Variants in ABCA13 observed in about 807,000 individuals in gnomAD.
ABCA13 encodes the protein ATP-binding cassette sub-family A member 13.
In ABCA13, 476 loss-of-function variants were observed where a neutral mutation model predicts 478.7. That is an observed-to-expected ratio of 0.99 (90% CI 0.92 to 1.07). The LOEUF (loss-of-function observed/expected upper bound fraction) is 1.07, where lower values mean the gene tolerates loss of function less well. ABCA13 is among the 50% of genes least tolerant of loss of function. The probability of loss-of-function intolerance (pLI) is 0.00; values close to 1 mark genes in which losing one functional copy is unlikely to be tolerated. For synonymous variants in ABCA13, 2,252 were observed against 2,158.9 expected (o/e 1.04, Z -1.20); for missense variants, 6,060 against 5,910.6 (o/e 1.03, Z -0.83).
Position 48,317,270 on chromosome 7 carries a change from C to G in ABCA13, c.9973C>G (p.Pro3325Ala). Residue 3325 changes from proline (P) to alanine (A), a missense_variant, in exon 27 of 62, where the codon CCA becomes GCA. By Grantham distance (27) the Pro-to-Ala change is conservative (BLOSUM62 -1). Transcript: ENST00000435803. ...HGKILYTPNT[P>A]EINKVIQKAN... ...AAAAATACTATACACACCAAACACT[C>G]CAGAAATTAACAAGGTCATTCAAAA... is the stretch of plus-strand genomic sequence containing the variant. 1 of 1,612,218 alleles carries G rather than the reference C, an allele frequency of 6.2e-7. No homozygotes were observed. Among genetic ancestry groups the G allele is most frequent in the Non-Finnish European group, 8.5e-7 (1 of 1,179,194 alleles).
chr7:48,497,973 T>C (rs1292061293), intron 48 of ABCA13, among the ~76,000 whole-genome samples: 1 of 152,192 alleles, frequency 6.6e-6, no homozygotes, highest in Non-Finnish European at 1.5e-5. Flanking sequence ...GGGTTCAGTC[T>C]CATTGCTGTC....
intron 59 of ABCA13, among the ~76,000 whole-genome samples, chr7:48,627,948 TG>T (rs1339916167): frequency 6.6e-6 from 1 of 152,182 alleles, no homozygotes; most frequent in Non-Finnish European, 1.5e-5. Flanking sequence ...AATCCATTCA[TG>T]GGGGAAGAGT....
intron 61 of ABCA13, 102 bp downstream of exon 61, chr7:48,644,856 T>C: frequency 1.7e-6 from 2 of 1,205,320 alleles, no homozygotes; most frequent in Non-Finnish European, 2.3e-6. Flanking sequence ...TTCACCACTT[T>C]ATTCAATTCA....
At chr7:48,341,847 TA>T (rs1807230284) in intron 29 of ABCA13, among the ~76,000 whole-genome samples, 1 of 143,216 alleles carries the variant, frequency 7.0e-6, no homozygotes. Flanking sequence ...TATATATATA[TA>T]TCTTTCTGAT....
chr7:48,171,890 A>G (rs1794119656), intron 1 of ABCA13, among the ~76,000 whole-genome samples: 1 of 152,262 alleles, frequency 6.6e-6, no homozygotes, highest in African/African-American at 2.4e-5. Context: ...TCTCAGGTTT[A>G]AGGAACAAAG....
intron 2 of ABCA13, among the ~76,000 whole-genome samples, chr7:48,193,381 T>A (rs1271219302): frequency 2.0e-5 from 3 of 152,178 alleles, no homozygotes; most frequent in Non-Finnish European, 4.4e-5. Context: ...TCATAGTTTA[T>A]CAGAATGATA....
chr7:48,263,094 T>A (rs1236426249), intron 15 of ABCA13, among the ~76,000 whole-genome samples: 2 of 151,926 alleles, frequency 1.3e-5, no homozygotes, highest in Non-Finnish European at 2.9e-5. Context: ...CAAAGTGTGA[T>A]CCCTGGACCA....
chr7:48,596,843 C>T (rs1790339298), intron 58 of ABCA13, among the ~76,000 whole-genome samples: 1 of 151,990 alleles, frequency 6.6e-6, no homozygotes, highest in South Asian at 2.1e-4. Flanking sequence ...AAACCTCCAC[C>T]TAGGAAAACA....
chr7:48,552,527 T>C (rs1785421147), intron 55 of ABCA13, among the ~76,000 whole-genome samples: 2 of 151,612 alleles, frequency 1.3e-5, no homozygotes, highest in Admixed American at 6.6e-5. Flanking sequence ...TCAGTCTTGG[T>C]TTTTAGCAAG....
chr7:48,185,457 A>G (rs1313056923), intron 1 of ABCA13, among the ~76,000 whole-genome samples: 1 of 152,230 alleles, frequency 6.6e-6, no homozygotes, highest in Non-Finnish European at 1.5e-5. Flanking sequence ...CAAAGCAAAT[A>G]AAACAAAACA....
intron 4 of ABCA13, 134 bp downstream of exon 4, chr7:48,219,639 G>A (rs1339685484): frequency 3.3e-6 from 4 of 1,197,442 alleles, no homozygotes. Flanking sequence ...AGTCTTTGAT[G>A]GATGAGGCCA....
At chr7:48,394,964 G>A (rs540155768) in intron 38 of ABCA13, among the ~76,000 whole-genome samples, 197 of 152,264 alleles carry the variant, frequency 1.3e-3, no homozygotes, top group African/African-American at 4.6e-3. Context: ...TCATAGCAGA[G>A]GTAATGATTG....
chr7:48,634,435 A>G (rs1339092799), intron 59 of ABCA13, among the ~76,000 whole-genome samples: 2 of 152,204 alleles, frequency 1.3e-5, no homozygotes, highest in Non-Finnish European at 2.9e-5. Flanking sequence ...TGTTTTTGTA[A>G]GGTCAGCAGT....
intron 41 of ABCA13, among the ~76,000 whole-genome samples, chr7:48,415,018 G>A (rs1819784997): frequency 3.9e-5 from 6 of 152,156 alleles, no homozygotes; most frequent in Admixed American, 3.3e-4. Context: ...CTGGGCCAAT[G>A]TAGAACAAGA....
intron 32 of ABCA13, among the ~76,000 whole-genome samples, chr7:48,371,013 TGGTACCATTTATTAAATAGG>T (rs1296130435): frequency 6.6e-6 from 1 of 152,124 alleles, no homozygotes; most frequent in African/African-American, 2.4e-5. Flanking sequence ...CCAGTTTTCC[TGGTACCATTTATTAAATAGG>T]GAACCCTTTC....
rs565868616 is a variant in ABCA13, at chr7:48,323,116, C to T, written c.9999+5820C>T. On this transcript the variant is annotated intron_variant, in intron 27 of 61. Transcript: ENST00000435803. Reference sequence around the variant, plus strand: ...CCACTAAAGGGCGTGTGGGTTTTTTCTAGTCTTTGGCGATTATCAGTGGAG... The same window carrying T: ...CCACTAAAGGGCGTGTGGGTTTTTTTTAGTCTTTGGCGATTATCAGTGGAG... Among the ~76,000 whole-genome samples the T allele has an allele frequency of 1.4e-4, 21 of 152,228 alleles. No homozygotes were observed. In the East Asian group the frequency reaches 3.3e-3, roughly 24 times the overall value.
chr7:48,546,686 T>C (rs1918600), intron 55 of ABCA13, among the ~76,000 whole-genome samples: 21,172 of 151,430 alleles, frequency 0.14, 2,027 homozygotes, highest in African/African-American at 0.23. Flanking sequence ...TAAGTGACCG[T>C]ATCATAGAAT....
intron 29 of ABCA13, among the ~76,000 whole-genome samples, chr7:48,341,576 A>G (rs1016220913): frequency 1.3e-5 from 2 of 151,724 alleles, no homozygotes; most frequent in African/African-American, 4.8e-5. Flanking sequence ...ATAATTTTGC[A>G]TCTCTTCTTT....
chr7:48,608,139 C>T (rs182499399), intron 58 of ABCA13, among the ~76,000 whole-genome samples: 11 of 152,310 alleles, frequency 7.2e-5, no homozygotes, highest in African/African-American at 2.6e-4. Flanking sequence ...CCTCGGCTTC[C>T]CAAAGTGCTG....
Sources: allele counts gnomAD v4.1 joint callset (sites outside exome capture counted in the v4.1 genomes callset), GRCh38; gene constraint gnomAD v4.1.1; transcripts MANE v1.5; gene names NCBI Gene and HGNC (gene_info 2026-07-23, HGNC 2026-07-21).